The following MAPK9 variants were observed in gnomAD, a reference collection of about 807,000 sequenced individuals.
MAPK9 encodes Jun kinase.
Under a neutral mutation model 57.1 loss-of-function variants are expected in MAPK9, and 30 were observed. That is an observed-to-expected ratio of 0.53 (90% CI 0.39 to 0.71). The LOEUF is 0.71. Ranked by LOEUF, MAPK9 falls within the 30% of genes least tolerant of loss-of-function variation. The pLI is 0.00. For synonymous variants in MAPK9, 155 were observed against 177.0 expected (o/e 0.88, Z 0.99); for missense variants, 362 against 521.0 (o/e 0.69, Z 2.97).
At chr5:180,245,776 T>C (rs1468271325) in intron 7 of MAPK9, among the ~76,000 whole-genome samples, 2 of 152,178 alleles carry the variant, frequency 1.3e-5, no homozygotes, top group Non-Finnish European at 1.5e-5. Context: ...GGGCTAAAGC[T>C]TTCTCTTTCT....
chr5:180,279,894 A>G (rs1762162938), intron 2 of MAPK9: 1 of 456,536 alleles, frequency 2.2e-6, no homozygotes, highest in African/African-American at 2.0e-5. Flanking sequence ...TGGGCTGGAC[A>G]CACAGTTGAA....
At chr5:180,289,641 T>C (rs1001935534) in intron 1 of MAPK9, among the ~76,000 whole-genome samples, 2 of 151,876 alleles carry the variant, frequency 1.3e-5, no homozygotes, top group Admixed American at 6.6e-5. Context: ...ATCAAATGAG[T>C]ATCTGGGCTG....
chr5:180,236,468 T>G lies in MAPK9; in HGVS notation c.1191A>C (p.Ser397=), dbSNP rs773149490. Residue 397 remains serine (S), a synonymous_variant, in exon 12 of 12, where the codon TCA becomes TCC. Transcript: ENST00000452135. ...PSQSSSINDI[S]SMSTEQTLAS... is the part of the protein sequence containing the mutation. ...CCAGCGTCTGCTCAGTGGACATGGATGAAATGTCATTGATCGATGAAGACT... is the reference window on the plus strand; with the variant it reads ...CCAGCGTCTGCTCAGTGGACATGGAGGAAATGTCATTGATCGATGAAGACT... 1 of 1,614,124 alleles carries G rather than the reference T, an allele frequency of 6.2e-7. No homozygotes were observed. The highest frequency in any genetic ancestry group is 8.5e-7 in the Non-Finnish European group (1 of 1,179,970).
intron 7 of MAPK9, chr5:180,246,147 A>C (rs1299945368): frequency 6.6e-6 from 1 of 152,240 alleles, no homozygotes; most frequent in Non-Finnish European, 1.5e-5. Flanking sequence ...AAAATGAGTA[A>C]GAATTGAGAC....
At position 180,267,430 on chromosome 5, in the gene MAPK9, CG is replaced by C. The variant is rs1175609653; in HGVS notation, c.252+1849del. On this transcript the variant is annotated intron_variant, in intron 3 of 11. Coordinates refer to ENST00000452135, the MANE Select transcript of MAPK9 (RefSeq NM_002752.5). ...ACAAAAAATTAGCTGGGTGTGGTGG[CG>C]GGCACCTGTAGTCCCGGCTACTCGG... Among the ~76,000 whole-genome samples, 17 of 151,734 alleles carry C rather than the reference CG, an allele frequency of 1.1e-4. No homozygotes were observed. The East Asian group carries it at 1.6e-3, about 14-fold the overall frequency.
chr5:180,237,486 T>C (rs371255191), intron 11 of MAPK9: 3 of 152,270 alleles, frequency 2.0e-5, no homozygotes, highest in East Asian at 3.9e-4. Context: ...TCCACCACTA[T>C]GAAGATCAGT....
intron 5 of MAPK9, among the ~76,000 whole-genome samples, chr5:180,253,029 C>T (rs1438562286): frequency 5.9e-5 from 9 of 152,266 alleles, no homozygotes; most frequent in Non-Finnish European, 8.8e-5. Context: ...CTTGGTCTCC[C>T]GCCACAGGAG....
chr5:180,252,702 G>A (rs1475641147), intron 5 of MAPK9, among the ~76,000 whole-genome samples: 2 of 152,174 alleles, frequency 1.3e-5, no homozygotes, highest in African/African-American at 2.4e-5. Flanking sequence ...CCACTGGGTG[G>A]CCTGGGACCC....
At chr5:180,251,575 C>T (rs892143797) in intron 5 of MAPK9, among the ~76,000 whole-genome samples, 1 of 152,198 alleles carries the variant, frequency 6.6e-6, no homozygotes, top group African/African-American at 2.4e-5. Context: ...GCTCTCCCCG[C>T]ACCCTGGGAC....
intron 5 of MAPK9, among the ~76,000 whole-genome samples, chr5:180,259,622 C>T (rs190451836): frequency 6.6e-6 from 1 of 152,124 alleles, no homozygotes; most frequent in Non-Finnish European, 1.5e-5. Context: ...GAGAGAAACC[C>T]TTTGACTGTA....
In MAPK9 at chr5:180,247,798, G is replaced by A. The variant is rs974658467; in HGVS notation, c.617-288C>T. 1.6e-5 allele frequency: 24 copies of A among 1,548,326 alleles called. No homozygotes were observed. The highest frequency in any genetic ancestry group is 1.7e-4 in the Middle Eastern group (1 of 5,976). ...TGCCTGTGAACACAAAGCTTTTCAG[G>A]GCCACACGCCCACCCCAGCCTCCAT... On this transcript the variant is annotated intron_variant, in intron 6 of 11. Transcript: ENST00000452135. The surrounding 1 kb of genome is among the most constrained non-coding windows in gnomAD (Gnocchi z 4.5).
At chr5:180,261,597 A>T in intron 5 of MAPK9, 87 bp downstream of exon 5, 2 of 1,249,894 alleles carry the variant, frequency 1.6e-6, no homozygotes, top group Non-Finnish European at 1.1e-6. Flanking sequence ...AAGCCTAACA[A>T]TTTTTTTTAA....
chr5:180,290,350 C>G (rs185202988), intron 1 of MAPK9, among the ~76,000 whole-genome samples: 3 of 152,312 alleles, frequency 2.0e-5, no homozygotes, highest in East Asian at 1.9e-4. Context: ...ACCCTCAAGG[C>G]CCCCCAGCAC....
chr5:180,283,262 T>G (rs1010796037), intron 1 of MAPK9, among the ~76,000 whole-genome samples: 1 of 152,214 alleles, frequency 6.6e-6, no homozygotes, highest in Non-Finnish European at 1.5e-5. Context: ...AAGATGTGGG[T>G]AGAAGTGATG....
rs758384332 is a variant in MAPK9 at position 180,247,909 on chromosome 5, C to T, written c.617-399G>A. On this transcript the variant is annotated intron_variant, in intron 6 of 11. Transcript: ENST00000452135. This position sits in a 1 kb window ranked among gnomAD's most constrained non-coding sequence, Gnocchi z 4.5. ...AGGACCATTTCTGCCATGATGCACC[C>T]GACAGACCAGATGTCCACTACCAAA... is the stretch of plus-strand genomic sequence containing the variant. 5.0e-6 allele frequency: 8 copies of T among 1,614,068 alleles called. No individual in the cohort carries two copies. The highest frequency in any genetic ancestry group is 5.9e-6 in the Non-Finnish European group (7 of 1,179,986).
rs1374836348 is a variant in MAPK9, at chr5:180,234,835, A to G, written c.*1549T>C. On this transcript the variant is annotated 3_prime_UTR_variant, in exon 12 of 12. Coordinates refer to ENST00000452135, the MANE Select transcript of MAPK9 (RefSeq NM_002752.5). ...TGATATGACCAACCAATAAGATATA[A>G]CTGGTGCAGAGAGAGCCATATATTT... The G allele has an allele frequency of 6.6e-6, 1 of 152,232 alleles. No homozygotes were observed. Among genetic ancestry groups the G allele is most frequent in the Middle Eastern group, 3.2e-3 (1 of 316 alleles). The allele number at this position is 152,232 out of a possible 1,614,324, so 9.4% of individuals were successfully genotyped here.
chr5:180,267,852 T>TTTTATTTATTTATTTATTTATTTA (rs542480114), intron 3 of MAPK9, among the ~76,000 whole-genome samples: 1 of 151,790 alleles, frequency 6.6e-6, no homozygotes, highest in Non-Finnish European at 1.5e-5. Context: ...ACGTTTTATA[T>TTTTATTTATTTATTTATTTATTTA]TTTATTTATT....
Position 180,236,389 on chromosome 5 carries a change from G to A in MAPK9, c.1270C>T (p.Arg424Ter), listed in dbSNP as rs115701296. 7.5e-6 allele frequency: 12 copies of A among 1,608,478 alleles called. No homozygotes were observed. Among genetic ancestry groups the A allele is most frequent in the South Asian group, 2.2e-5 (2 of 90,694 alleles). ...GGTTTGCTATTTCTAACCTATCATC[G>A]ACAGCCTTCAAGGGGTCCCGTCGAG... ...DASTGPLEGCR is the reference protein window; with the variant it reads ...DASTGPLEGC Residue 424 changes from arginine (R) to a stop codon, truncating the protein, a stop_gained, in exon 12 of 12, where the codon CGA (arginine) becomes TGA (stop). Coordinates refer to ENST00000452135, the MANE Select transcript of MAPK9 (RefSeq NM_002752.5). LOFTEE classifies it high-confidence loss of function.
At chr5:180,283,906 G>A (rs1263629526) in intron 1 of MAPK9, among the ~76,000 whole-genome samples, 1 of 151,982 alleles carries the variant, frequency 6.6e-6, no homozygotes, top group Non-Finnish European at 1.5e-5. Context: ...CTCCAGCCTG[G>A]GCCACAGCGA....
Sources: allele counts gnomAD v4.1 joint callset (sites outside exome capture counted in the v4.1 genomes callset), GRCh38; gene constraint gnomAD v4.1.1; non-coding constraint Gnocchi (gnomAD v3.1); transcripts MANE v1.5; gene names NCBI Gene and HGNC (gene_info 2026-07-23, HGNC 2026-07-21).